The following NPFFR2 variants were observed in gnomAD, a reference collection of about 807,000 sequenced individuals.
NPFFR2 encodes G-protein coupled receptor 74.
NPFFR2 carries 15 observed loss-of-function variants against 13.1 expected under a neutral mutation model. The ratio of observed to expected loss-of-function variants is 1.15; its 90% CI spans 0.77 to 1.76. The LOEUF (loss-of-function observed/expected upper bound fraction) is 1.76, where lower values mean the gene tolerates loss of function less well. Ranked by LOEUF, NPFFR2 falls within the 40% of genes most tolerant of loss-of-function variation. NPFFR2 has a pLI of 0.00. For missense variants in NPFFR2, 572 were observed against 503.5 expected, an observed-to-expected ratio of 1.14 and a Z score of -1.30; for synonymous variants, 190 against 175.7, an observed-to-expected ratio of 1.08 and a Z score of -0.65.
chr4:72,079,143 G>A (rs1208388571), intron 1 of NPFFR2, among the ~76,000 whole-genome samples: 1 of 151,480 alleles, frequency 6.6e-6, no homozygotes, highest in African/African-American at 2.4e-5. Context: ...ACTCCTGCTT[G>A]TGGTATTGTA....
intron 1 of NPFFR2, among the ~76,000 whole-genome samples, chr4:72,058,866 A>G (rs1179736494): frequency 1.3e-5 from 2 of 152,040 alleles, no homozygotes; most frequent in Admixed American, 6.6e-5. Context: ...CCTGCTGCAA[A>G]ACTATCTCCT....
At chr4:72,129,337 C>CG (rs1336750258) in intron 2 of NPFFR2, among the ~76,000 whole-genome samples, 6 of 138,890 alleles carry the variant, frequency 4.3e-5, no homozygotes, top group African/African-American at 1.6e-4. Flanking sequence ...TAAGGGGACC[C>CG]GGGGAACCAG....
intron 1 of NPFFR2, among the ~76,000 whole-genome samples, chr4:72,090,333 A>G (rs1007768349): frequency 6.6e-6 from 1 of 151,994 alleles, no homozygotes; most frequent in African/African-American, 2.4e-5. Context: ...TATGAGTTTT[A>G]GGATGGTGTT....
chr4:72,144,962 G>A (rs978975431), intron 3 of NPFFR2, among the ~76,000 whole-genome samples: 2 of 152,106 alleles, frequency 1.3e-5, no homozygotes, highest in African/African-American at 2.4e-5. Flanking sequence ...TCTTCTCATA[G>A]CAGCCCAAAT....
chr4:72,132,358 C>T (rs1326679748), intron 2 of NPFFR2, among the ~76,000 whole-genome samples: 1 of 152,212 alleles, frequency 6.6e-6, no homozygotes, highest in Non-Finnish European at 1.5e-5. Flanking sequence ...CATAGTATTC[C>T]ATGGTGTATA....
intron 1 of NPFFR2, among the ~76,000 whole-genome samples, chr4:72,051,200 A>G (rs1009175131): frequency 5.3e-5 from 8 of 151,830 alleles, no homozygotes; most frequent in African/African-American, 1.9e-4. Context: ...TGACTTCCAC[A>G]ATGGTTGAAC....
chr4:72,098,140 T>C (rs1721123214), intron 1 of NPFFR2, among the ~76,000 whole-genome samples: 1 of 152,128 alleles, frequency 6.6e-6, no homozygotes, highest in South Asian at 2.1e-4. Flanking sequence ...ATTGAATAGA[T>C]GGATATTCCC....
intron 1 of NPFFR2, among the ~76,000 whole-genome samples, chr4:72,033,583 T>A (rs971826645): frequency 6.6e-6 from 1 of 152,200 alleles, no homozygotes; most frequent in African/African-American, 2.4e-5. Flanking sequence ...GATTTCTTCA[T>A]GTCTATAGAA....
At chr4:72,073,289 G>A (rs1036244876) in intron 1 of NPFFR2, among the ~76,000 whole-genome samples, 10 of 151,984 alleles carry the variant, frequency 6.6e-5, no homozygotes, top group South Asian at 2.1e-4. Context: ...TTGCATGCCT[G>A]TATCAAAATA....
rs1244107341 is a variant in NPFFR2, at chr4:72,147,086, A to C, written c.537A>C (p.Ala179=). 1 of 1,614,010 alleles carries C rather than the reference A, an allele frequency of 6.2e-7. No homozygotes were observed. Among genetic ancestry groups the C allele is most frequent in the South Asian group, 1.1e-5 (1 of 91,086 alleles). ...VLAITIMSPS[A]VMLHVQEEKY... ...CCATCACCATTATGTCTCCATCTGC[A>C]GTAATGTTACATGTGCAAGAAGAAA... The change falls in exon 4 of 4, where the codon GCA becomes GCC. Residue 179 remains alanine, a synonymous_variant. Coordinates refer to ENST00000308744, the MANE Select transcript of NPFFR2 (RefSeq NM_004885.3).
At chr4:72,119,744 G>T (rs947027846) in intron 1 of NPFFR2, among the ~76,000 whole-genome samples, 3 of 152,212 alleles carry the variant, frequency 2.0e-5, no homozygotes, top group African/African-American at 7.2e-5. Flanking sequence ...GGTGCATTCT[G>T]GCCCAAATAC....
chr4:72,057,763 AG>A (rs1249203647), intron 1 of NPFFR2, among the ~76,000 whole-genome samples: 1 of 151,994 alleles, frequency 6.6e-6, no homozygotes, highest in Non-Finnish European at 1.5e-5. Context: ...TTAAGTGCCA[AG>A]GGAAAAGTAG....
rs530842627 is a variant in NPFFR2 at position 72,128,686 on chromosome 4, T to A, written c.95T>A (p.Ile32Asn). ...CATCATCTGTACTCAGATATTAATA[T>A]TACCTATGTGAACTACTATCTTCAC... is the stretch of plus-strand genomic sequence containing the variant. ...TKHHLYSDIN[I>N]TYVNYYLHQP... Residue 32 changes from isoleucine (I) to asparagine (N), a missense_variant, in exon 2 of 4, where the codon ATT becomes AAT. By Grantham distance (149) the Ile-to-Asn change is moderately radical. Coordinates refer to ENST00000308744, the MANE Select transcript of NPFFR2 (RefSeq NM_004885.3). 175 of 1,613,442 alleles carry A rather than the reference T, an allele frequency of 1.1e-4. No homozygotes were observed. In the East Asian group the frequency reaches 3.1e-3, roughly 28 times the overall value.
At chr4:72,126,736 G>C (rs1722053153) in intron 1 of NPFFR2, among the ~76,000 whole-genome samples, 1 of 152,160 alleles carries the variant, frequency 6.6e-6, no homozygotes, top group African/African-American at 2.4e-5. Flanking sequence ...TGAGTCTCTA[G>C]TGAGCTTCTC....
chr4:72,057,493 G>C lies in NPFFR2; in HGVS notation c.-8+25293G>C, dbSNP rs377450215. 9.9e-5 allele frequency among the ~76,000 whole-genome samples: 15 copies of C among 152,018 alleles called. No individual in the cohort carries two copies. In the East Asian group the frequency reaches 2.3e-3, roughly 24 times the overall value. The stretch of plus-strand genomic sequence containing the variant: ...CAGCATAACTCCAACCTTTGCCTTT[G>C]TCTTCACATAACCTTCTTTGTTGCT... On this transcript the variant is annotated intron_variant, in intron 1 of 3. Transcript: ENST00000308744.
At chr4:72,050,362 T>C (rs1214424912) in intron 1 of NPFFR2, among the ~76,000 whole-genome samples, 1 of 151,978 alleles carries the variant, frequency 6.6e-6, no homozygotes, top group Non-Finnish European at 1.5e-5. Context: ...CATTCAAAAG[T>C]TAAACTGAAA....
intron 1 of NPFFR2, among the ~76,000 whole-genome samples, chr4:72,045,192 A>T (rs1402974918): frequency 6.6e-6 from 1 of 152,120 alleles, no homozygotes; most frequent in African/African-American, 2.4e-5. Flanking sequence ...AAATCAGTTC[A>T]CTATAAGTAT....
intron 1 of NPFFR2, among the ~76,000 whole-genome samples, chr4:72,058,824 A>G (rs1178248021): frequency 6.6e-6 from 1 of 152,020 alleles, no homozygotes; most frequent in African/African-American, 2.4e-5. Context: ...TTTAAGGCCC[A>G]AGAGGCACAG....
intron 1 of NPFFR2, among the ~76,000 whole-genome samples, chr4:72,044,654 G>C (rs1469751753): frequency 2.6e-5 from 4 of 151,556 alleles, no homozygotes; most frequent in Non-Finnish European, 4.4e-5. Flanking sequence ...CAGTGATGTT[G>C]AGAATTTTTT....
Sources: allele counts gnomAD v4.1 joint callset (sites outside exome capture counted in the v4.1 genomes callset), GRCh38; gene constraint gnomAD v4.1.1; transcripts MANE v1.5; gene names NCBI Gene and HGNC (gene_info 2026-07-23, HGNC 2026-07-21).